DNAH6: variants seen among roughly 807,000 people sequenced by gnomAD.
The protein encoded by DNAH6 is dynein axonemal heavy chain 6.
Under a neutral mutation model 491.4 loss-of-function variants are expected in DNAH6, and 340 were observed. The observed-to-expected ratio is 0.69, with a 90% CI of 0.63 to 0.76. The LOEUF (loss-of-function observed/expected upper bound fraction) is 0.76, where lower values mean the gene tolerates loss of function less well. Ranked by LOEUF, DNAH6 falls within the 30% of genes least tolerant of loss-of-function variation. DNAH6 has a pLI of 0.00. For missense variants in DNAH6, 4,443 were observed against 4,972.2 expected (o/e 0.89, Z 3.20); for synonymous variants, 1,603 against 1,686.1 (o/e 0.95, Z 1.21).
chr2:84,807,305 T>C (rs1679510103), intron 71 of DNAH6, among the ~76,000 whole-genome samples: 1 of 152,212 alleles, frequency 6.6e-6, no homozygotes, highest in South Asian at 2.1e-4. Flanking sequence ...TTGATACATG[T>C]ATGTCATAGC....
At chr2:84,751,137 C>G (rs1353817660) in intron 63 of DNAH6, 1 of 152,184 alleles carries the variant, frequency 6.6e-6, no homozygotes, top group Non-Finnish European at 1.5e-5. Flanking sequence ...GCTATTGATG[C>G]CAAAGAACAA....
At chr2:84,579,436 G>T (rs989977208) in intron 13 of DNAH6, 91 bp from the exon 14 acceptor site, 8 of 1,423,770 alleles carry the variant, frequency 5.6e-6, no homozygotes, top group Non-Finnish European at 6.8e-6. Context: ...AATGCCTGCT[G>T]ATTTAACAAA....
chr2:84,802,789 A>G (rs1573857597), intron 70 of DNAH6, among the ~76,000 whole-genome samples: 1 of 152,288 alleles, frequency 6.6e-6, no homozygotes, highest in East Asian at 1.9e-4. Flanking sequence ...AACATACTCT[A>G]ATATTGACCA....
At chr2:84,791,874 C>T (rs1427055715) in intron 68 of DNAH6, among the ~76,000 whole-genome samples, 2 of 151,732 alleles carry the variant, frequency 1.3e-5, no homozygotes, top group African/African-American at 2.4e-5. Context: ...TTGATTAGTA[C>T]TATTATGATA....
chr2:84,803,806 T>G (rs1279578421), intron 70 of DNAH6, among the ~76,000 whole-genome samples: 4 of 152,144 alleles, frequency 2.6e-5, no homozygotes, highest in Non-Finnish European at 4.4e-5. Flanking sequence ...TTTTAGAAAT[T>G]AATATGGTAA....
intron 63 of DNAH6, among the ~76,000 whole-genome samples, chr2:84,745,784 C>T (rs556084426): frequency 6.6e-6 from 1 of 152,054 alleles, no homozygotes; most frequent in Admixed American, 6.5e-5. Flanking sequence ...CTGGTGTGTG[C>T]CATTAGAGTA....
chr2:84,678,993 G>A (rs1573458063), intron 41 of DNAH6, among the ~76,000 whole-genome samples: 1 of 152,094 alleles, frequency 6.6e-6, no homozygotes, highest in African/African-American at 2.4e-5. Flanking sequence ...CACCTTAGCA[G>A]GACCCAAGAA....
At chr2:84,462,959 A>G in the DNAH6 span, among the ~76,000 whole-genome samples, 24 of 152,220 alleles carry the variant, frequency 1.6e-4, no homozygotes, top group African/African-American at 5.3e-4. Context: ...GAGGCAAGGA[A>G]CCCTAGCATA....
At chr2:84,584,334 A>C (rs1683329487) in intron 15 of DNAH6, 84 bp downstream of exon 15, 3 of 1,313,114 alleles carry the variant, frequency 2.3e-6, no homozygotes, top group Non-Finnish European at 3.1e-6. Context: ...TCAACAGATA[A>C]AAATTGTATA....
chr2:84,514,941 G>C (rs924212281), upstream of DNAH6, among the ~76,000 whole-genome samples: 1 of 150,050 alleles, frequency 6.7e-6, no homozygotes, highest in African/African-American at 2.5e-5. Flanking sequence ...CATGGTAACA[G>C]TTGTGTACAA....
chr2:84,545,739 C>G (rs941393821), intron 5 of DNAH6, among the ~76,000 whole-genome samples: 6 of 152,094 alleles, frequency 3.9e-5, no homozygotes, highest in African/African-American at 1.4e-4. Context: ...CTATAATCAC[C>G]CACACACTTA....
chr2:84,491,980 G>A, the DNAH6 span, among the ~76,000 whole-genome samples: 2 of 152,122 alleles, frequency 1.3e-5, no homozygotes, highest in Admixed American at 1.3e-4. Context: ...AGATTCCGCC[G>A]AGAAGATTCT....
intron 72 of DNAH6, 101 bp downstream of exon 72, chr2:84,808,643 T>C: frequency 8.3e-7 from 1 of 1,207,990 alleles, no homozygotes; most frequent in South Asian, 1.4e-5. Context: ...GCATTTCCAT[T>C]TGGATACACT....
At chr2:84,696,438 A>G (rs887015753) in intron 46 of DNAH6, among the ~76,000 whole-genome samples, 2 of 151,990 alleles carry the variant, frequency 1.3e-5, no homozygotes, top group Non-Finnish European at 2.9e-5. Flanking sequence ...TATGGAATGC[A>G]ACCCAGCAGT....
intron 14 of DNAH6, 52 bp from the exon 15 acceptor site, chr2:84,583,947 G>T: frequency 6.3e-7 from 1 of 1,590,974 alleles, no homozygotes; most frequent in South Asian, 1.2e-5. Context: ...CAAACTTCAA[G>T]ACTAAACTAG....
upstream of DNAH6, among the ~76,000 whole-genome samples, chr2:84,513,771 A>AT (rs1273885862): frequency 6.6e-6 from 1 of 151,724 alleles, no homozygotes; most frequent in Non-Finnish European, 1.5e-5. Flanking sequence ...AGTAGCTTGC[A>AT]TTTTTTTCCC....
intron 30 of DNAH6, among the ~76,000 whole-genome samples, chr2:84,636,912 G>C (rs1461798345): frequency 6.6e-6 from 1 of 151,508 alleles, no homozygotes; most frequent in African/African-American, 2.4e-5. Flanking sequence ...AAAATAGAAA[G>C]TTGAATTGAA....
At chr2:84,616,578 T>C (rs1686872668) in intron 22 of DNAH6, among the ~76,000 whole-genome samples, 1 of 152,124 alleles carries the variant, frequency 6.6e-6, no homozygotes, top group Non-Finnish European at 1.5e-5. Context: ...GTTTATGTGA[T>C]TCCTTATGTG....
At chr2:84,542,021 A>G (rs1678299769) in intron 4 of DNAH6, among the ~76,000 whole-genome samples, 1 of 152,190 alleles carries the variant, frequency 6.6e-6, no homozygotes, top group African/African-American at 2.4e-5. Flanking sequence ...GTAAAGAAGG[A>G]AAAGACTTGG....
Sources: allele counts gnomAD v4.1 joint callset (sites outside exome capture counted in the v4.1 genomes callset), GRCh38; gene constraint gnomAD v4.1.1; transcripts MANE v1.5; gene names NCBI Gene and HGNC (gene_info 2026-07-23, HGNC 2026-07-21).